NTRK2: variants seen among roughly 807,000 people sequenced by gnomAD.
The protein encoded by NTRK2 is BDNF/NT-3 growth factors receptor.
In NTRK2, 13 loss-of-function variants were observed where a neutral mutation model predicts 94.5. That is an observed-to-expected ratio of 0.14 (90% CI 0.09 to 0.22). NTRK2 has a LOEUF of 0.22. Among genes scored for constraint, NTRK2 ranks in the 10% least tolerant of loss-of-function variants. The probability of loss-of-function intolerance (pLI) is 1.00; values close to 1 mark genes in which losing one functional copy is unlikely to be tolerated. For missense variants in NTRK2, 639 were observed against 1,071.2 expected (o/e 0.60, Z 5.63); for synonymous variants, 372 against 407.4 (o/e 0.91, Z 1.05).
intron 2 of NTRK2, among the ~76,000 whole-genome samples, chr9:84,692,664 T>TCCA (rs2060125258): frequency 6.6e-6 from 1 of 151,866 alleles, no homozygotes; most frequent in African/African-American, 2.4e-5. Context: ...ACGGGGTTTC[T>TCCA]CCATGTTGCT....
At position 84,939,959 on chromosome 9, in the gene NTRK2, A is replaced by G. The variant is rs560825262; in HGVS notation, c.1764+5667A>G. Among the ~76,000 whole-genome samples, 5 of 152,242 alleles carry G rather than the reference A, an allele frequency of 3.3e-5. No individual in the cohort carries two copies. The South Asian group carries it at 1.0e-3, about 32-fold the overall frequency. On this transcript the variant is annotated intron_variant, in intron 15 of 18. Transcript: ENST00000277120. ...GGGCTTAGATCTTGCCCTCCCAGCA[A>G]CTCAAAAGAAAGAGAGCTCCTCCTT...
At chr9:84,948,410 A>G in intron 15 of NTRK2, 52 bp from the exon 16 acceptor site, 1 of 1,566,544 alleles carries the variant, frequency 6.4e-7, no homozygotes, top group Non-Finnish European at 8.8e-7. Flanking sequence ...TTCCTATCTC[A>G]GTATCATAGG....
chr9:84,679,018 A>G (rs964224908), intron 2 of NTRK2, among the ~76,000 whole-genome samples: 4 of 151,950 alleles, frequency 2.6e-5, no homozygotes, highest in African/African-American at 9.7e-5. Context: ...TATAAAAGAG[A>G]CTCCAGAGAG....
At chr9:84,860,997 C>T (rs2075312964) in intron 12 of NTRK2, 43 bp from the exon 13 acceptor site, 1 of 1,583,086 alleles carries the variant, frequency 6.3e-7, no homozygotes, top group Non-Finnish European at 8.7e-7. Context: ...CCGGTTTCTA[C>T]TTCTCTTTCG....
chr9:84,682,343 A>C (rs1253540560), intron 2 of NTRK2, among the ~76,000 whole-genome samples: 1 of 152,174 alleles, frequency 6.6e-6, no homozygotes, highest in South Asian at 2.1e-4. Context: ...TATTTTTTAA[A>C]GTAATATTTG....
At chr9:84,991,712 T>C (rs1365655531) in intron 17 of NTRK2, among the ~76,000 whole-genome samples, 1 of 151,924 alleles carries the variant, frequency 6.6e-6, no homozygotes, top group East Asian at 1.9e-4. Context: ...GGGATTGTGG[T>C]GGTAGGAGGG....
rs1833008534 is a variant in NTRK2 at position 85,025,907 on chromosome 9, A to G, written c.*4470A>G. 1 of 213,652 alleles carries G rather than the reference A, an allele frequency of 4.7e-6. No homozygotes were observed. The highest frequency in any genetic ancestry group is 2.3e-5 in the African/African-American group (1 of 44,230). 13.2% of individuals were successfully genotyped at this position (213,652 alleles called of 1,614,324 possible). A position where few individuals can be genotyped will look rare whatever the true frequency, so the allele number is the denominator to read the frequency against. On this transcript the variant is annotated 3_prime_UTR_variant, in exon 19 of 19. Transcript: ENST00000277120. ...TGAATTTCAAATGTCATTCTAAAGA[A>G]TGAGGGGTGGGAGGGATTTATAGTT...
intron 12 of NTRK2, among the ~76,000 whole-genome samples, chr9:84,838,410 C>T (rs556581839): frequency 8.6e-5 from 13 of 152,036 alleles, no homozygotes; most frequent in East Asian, 1.9e-4. Flanking sequence ...AGTACATGCT[C>T]GCCATACAAT....
chr9:84,944,199 T>G (rs2078510174), intron 15 of NTRK2, among the ~76,000 whole-genome samples: 1 of 139,646 alleles, frequency 7.2e-6, no homozygotes, highest in African/African-American at 3.0e-5. Context: ...TTGTTCTCTC[T>G]CTCTCTCTCT....
In NTRK2 at chr9:85,011,084, G is replaced by A. The variant is rs557568081; in HGVS notation, c.2173-9122G>A. On this transcript the variant is annotated intron_variant, in intron 17 of 18. Coordinates refer to ENST00000277120, the MANE Select transcript of NTRK2 (RefSeq NM_006180.6). ...GGGTGTGTAGGAGAGTGAGGGAAGA[G>A]ATTGCTCTAAGGTTTGCATTGGAAA... is the stretch of plus-strand genomic sequence containing the variant. Among the ~76,000 whole-genome samples, 3 of 152,262 alleles carry A rather than the reference G, an allele frequency of 2.0e-5. No homozygotes were observed. In the South Asian group the frequency reaches 6.2e-4, roughly 32 times the overall value.
intron 14 of NTRK2, among the ~76,000 whole-genome samples, chr9:84,882,028 G>A (rs1412400074): frequency 1.3e-5 from 2 of 152,164 alleles, no homozygotes; most frequent in Non-Finnish European, 2.9e-5. Flanking sequence ...AAACAGTAAG[G>A]CACTGAGAAG....
chr9:84,991,725 G>A (rs1364606052), intron 17 of NTRK2, among the ~76,000 whole-genome samples: 1 of 152,140 alleles, frequency 6.6e-6, no homozygotes, highest in African/African-American at 2.4e-5. Context: ...TAGGAGGGAG[G>A]GGAAGAAAAG....
intron 12 of NTRK2, among the ~76,000 whole-genome samples, chr9:84,829,650 G>A (rs969281201): frequency 3.9e-5 from 6 of 152,122 alleles, no homozygotes; most frequent in South Asian, 2.1e-4. Context: ...TGCACCACCC[G>A]GGAGAGGACA....
At chr9:84,908,994 A>G (rs187191714) in intron 14 of NTRK2, among the ~76,000 whole-genome samples, 3 of 152,282 alleles carry the variant, frequency 2.0e-5, no homozygotes, top group Admixed American at 6.5e-5. Flanking sequence ...TCACAAAGCT[A>G]TGATATTGAC....
At chr9:84,870,474 C>T (rs1182282375) in intron 14 of NTRK2, among the ~76,000 whole-genome samples, 1 of 149,766 alleles carries the variant, frequency 6.7e-6, no homozygotes, top group African/African-American at 2.5e-5. Flanking sequence ...GTAGCTAGGA[C>T]TCTAGGTACA....
chr9:84,966,981 ATCAC>A (rs1825628480), intron 17 of NTRK2, among the ~76,000 whole-genome samples: 1 of 152,172 alleles, frequency 6.6e-6, no homozygotes, highest in Non-Finnish European at 1.5e-5. Flanking sequence ...CTGAATTTTA[ATCAC>A]TAGTGCACAG....
intron 12 of NTRK2, among the ~76,000 whole-genome samples, chr9:84,767,364 G>A (rs770858089): frequency 3.3e-5 from 5 of 152,074 alleles, no homozygotes; most frequent in Non-Finnish European, 7.4e-5. Context: ...CATTCCTTTT[G>A]GCTGAAAAGA....
intron 14 of NTRK2, among the ~76,000 whole-genome samples, chr9:84,909,157 T>C (rs1371844898): frequency 2.0e-5 from 3 of 152,162 alleles, no homozygotes; most frequent in African/African-American, 7.2e-5. Context: ...ATGTTATATA[T>C]ATGGAGTCAT....
At chr9:84,841,227 C>T (rs996933651) in intron 12 of NTRK2, among the ~76,000 whole-genome samples, 9 of 152,116 alleles carry the variant, frequency 5.9e-5, no homozygotes, top group Admixed American at 5.2e-4. Flanking sequence ...TGCTCAGCAG[C>T]TCCACTTGGA....
Sources: gnomAD v4.1 joint callset for allele counts (sites outside exome capture counted in the v4.1 genomes callset) on GRCh38, gnomAD v4.1.1 for gene constraint, MANE v1.5 for transcripts, NCBI Gene and HGNC (gene_info 2026-07-23, HGNC 2026-07-21) for gene names.